The following DNAJC1 variants were observed in gnomAD, a reference collection of about 807,000 sequenced individuals.
The protein encoded by DNAJC1 is DnaJ heat shock protein family (Hsp40) member C1, also known as dnaJ homolog subfamily C member 1.
Under a neutral mutation model 76.6 loss-of-function variants are expected in DNAJC1, and 58 were observed. The observed-to-expected ratio is 0.76, with a 90% confidence interval of 0.61 to 0.94. The LOEUF (loss-of-function observed/expected upper bound fraction) is 0.94, where lower values mean the gene tolerates loss of function less well. Ranked by LOEUF, DNAJC1 falls within the 40% of genes least tolerant of loss-of-function variation. The pLI, the probability that DNAJC1 is intolerant of heterozygous loss-of-function variation, is 0.00. For synonymous variants in DNAJC1, 258 were observed against 267.9 expected (o/e 0.96, Z 0.36); for missense variants, 689 against 677.3 (o/e 1.02, Z -0.19).
chr10:21,813,150 G>GTCTCTCTCTCTC (rs1179588600), intron 8 of DNAJC1, among the ~76,000 whole-genome samples: 1 of 66,118 alleles, frequency 1.5e-5, no homozygotes, highest in Admixed American at 1.8e-4. Context: ...TGGGTTACTT[G>GTCTCTCTCTCTC]TCTCTCTCTC....
At chr10:21,993,569 T>C (rs1026391314) in intron 1 of DNAJC1, among the ~76,000 whole-genome samples, 2 of 152,218 alleles carry the variant, frequency 1.3e-5, no homozygotes, top group Non-Finnish European at 2.9e-5. Flanking sequence ...ACATTTTTAA[T>C]AGCAATATCC....
intron 1 of DNAJC1, among the ~76,000 whole-genome samples, chr10:22,002,999 G>C (rs1838547115): frequency 1.3e-5 from 2 of 152,182 alleles, no homozygotes; most frequent in Admixed American, 1.3e-4. Flanking sequence ...CCTGTCACTG[G>C]GGCTGGGACT....
intron 1 of DNAJC1, among the ~76,000 whole-genome samples, chr10:21,960,792 C>T (rs1837777988): frequency 6.6e-6 from 1 of 152,102 alleles, no homozygotes; most frequent in African/African-American, 2.4e-5. Flanking sequence ...TACAACTCAA[C>T]AACAAAAAGA....
intron 9 of DNAJC1, among the ~76,000 whole-genome samples, chr10:21,789,156 A>AAAGGACTC (rs1235891539): frequency 5.9e-5 from 9 of 152,166 alleles, no homozygotes; most frequent in Admixed American, 5.2e-4. Context: ...GAAGTTGAGA[A>AAAGGACTC]AAGGACTCCA....
At chr10:21,888,977 A>G (rs937724508) in intron 7 of DNAJC1, among the ~76,000 whole-genome samples, 2 of 152,218 alleles carry the variant, frequency 1.3e-5, no homozygotes. Flanking sequence ...AAATACATAA[A>G]TAAATAAGCT....
At chr10:21,846,561 A>G (rs1461888033) in intron 8 of DNAJC1, among the ~76,000 whole-genome samples, 1 of 152,212 alleles carries the variant, frequency 6.6e-6, no homozygotes, top group East Asian at 1.9e-4. Context: ...TAAAGTACCA[A>G]GTAGAGCCTC....
chr10:21,876,703 A>G (rs1195972247), intron 8 of DNAJC1, among the ~76,000 whole-genome samples: 3 of 152,226 alleles, frequency 2.0e-5, no homozygotes, highest in Admixed American at 2.0e-4. Context: ...GAACAAGTAG[A>G]TAAATGGAAC....
chr10:21,764,535 G>A (rs1834273934), intron 10 of DNAJC1, among the ~76,000 whole-genome samples: 2 of 152,288 alleles, frequency 1.3e-5, no homozygotes, highest in Non-Finnish European at 2.9e-5. Context: ...TATTAAGCCA[G>A]CTGTGTTTTC....
chr10:21,827,558 C>T (rs964291433), intron 8 of DNAJC1, among the ~76,000 whole-genome samples: 1 of 152,182 alleles, frequency 6.6e-6, no homozygotes, highest in Non-Finnish European at 1.5e-5. Flanking sequence ...ACTCTCTCCT[C>T]GTCAGCAATC....
At chr10:21,854,566 A>C (rs1475930444) in intron 8 of DNAJC1, among the ~76,000 whole-genome samples, 4 of 152,158 alleles carry the variant, frequency 2.6e-5, no homozygotes, top group African/African-American at 4.8e-5. Flanking sequence ...TACAGGAAAA[A>C]AAACAAACAA....
intron 6 of DNAJC1, among the ~76,000 whole-genome samples, chr10:21,909,667 A>G (rs1349052724): frequency 6.6e-6 from 1 of 152,260 alleles, no homozygotes; most frequent in African/African-American, 2.4e-5. Context: ...AGGTGGGGTC[A>G]GAAGACTAGT....
intron 6 of DNAJC1, among the ~76,000 whole-genome samples, chr10:21,908,270 T>TTA (rs796675388): frequency 0.13 from 14,390 of 111,560 alleles, 1,641 homozygotes; most frequent in East Asian, 0.21. Context: ...TATATATATT[T>TTA]TATATATATA....
chr10:21,806,968 GAAAT>G (rs1834890948), intron 8 of DNAJC1, among the ~76,000 whole-genome samples: 1 of 152,016 alleles, frequency 6.6e-6, no homozygotes, highest in Non-Finnish European at 1.5e-5. Flanking sequence ...TGAGCACAGA[GAAAT>G]AAATTATTAT....
At chr10:21,782,375 G>A (rs984238539) in intron 9 of DNAJC1, among the ~76,000 whole-genome samples, 35 of 152,108 alleles carry the variant, frequency 2.3e-4, no homozygotes, top group Non-Finnish European at 2.4e-4. Flanking sequence ...CCAATAACAG[G>A]CTCTGAAATT....
chr10:21,769,008 C>T (rs1483007896), intron 9 of DNAJC1, among the ~76,000 whole-genome samples: 1 of 152,160 alleles, frequency 6.6e-6, no homozygotes, highest in Non-Finnish European at 1.5e-5. Context: ...TTCCACTTGG[C>T]ATTCATGAGA....
chr10:21,991,479 A>G (rs1019185956), intron 1 of DNAJC1, among the ~76,000 whole-genome samples: 4 of 152,196 alleles, frequency 2.6e-5, no homozygotes, highest in Non-Finnish European at 5.9e-5. Context: ...CAAAATGTAT[A>G]CTATAGATAA....
At chr10:21,849,943 A>G (rs776943596) in intron 8 of DNAJC1, among the ~76,000 whole-genome samples, 3 of 152,296 alleles carry the variant, frequency 2.0e-5, no homozygotes, top group East Asian at 3.9e-4. Flanking sequence ...AACACCCAAT[A>G]AAGTAGGAAT....
intron 8 of DNAJC1, among the ~76,000 whole-genome samples, chr10:21,879,467 T>A (rs2131719004): frequency 6.6e-6 from 1 of 152,038 alleles, no homozygotes; most frequent in Middle Eastern, 3.4e-3. Flanking sequence ...CTACCAAAAG[T>A]ACAAAAATCA....
chr10:21,768,273 T>C (rs1487392119), intron 9 of DNAJC1, among the ~76,000 whole-genome samples: 1 of 152,232 alleles, frequency 6.6e-6, no homozygotes, highest in Non-Finnish European at 1.5e-5. Flanking sequence ...TATTTCTCTA[T>C]CCCATTAATC....
Sources: gnomAD v4.1 joint callset for allele counts (sites outside exome capture counted in the v4.1 genomes callset) on GRCh38, gnomAD v4.1.1 for gene constraint, MANE v1.5 for transcripts, NCBI Gene and HGNC (gene_info 2026-07-23, HGNC 2026-07-21) for gene names.